ZC3H12B: variants seen among roughly 807,000 people sequenced by gnomAD.
ZC3H12B encodes zinc finger CCCH-type containing 12B.
In ZC3H12B, 7 loss-of-function variants were observed where a neutral mutation model predicts 43.9. The ratio of observed to expected loss-of-function variants is 0.16; its 90% CI spans 0.09 to 0.30. The LOEUF (loss-of-function observed/expected upper bound fraction) is 0.30, where lower values mean the gene tolerates loss of function less well. Among genes scored for constraint, ZC3H12B ranks in the 10% least tolerant of loss-of-function variants. The pLI, the probability that ZC3H12B is intolerant of heterozygous loss-of-function variation, is 1.00. For synonymous variants in ZC3H12B, 222 were observed against 241.7 expected (o/e 0.92, Z 0.76); for missense variants, 475 against 670.2 (o/e 0.71, Z 3.22).
At chrX:65,386,310 G>T (rs1219834115) in intron 2 of ZC3H12B, among the ~76,000 whole-genome samples, 2 of 111,427 alleles carry the variant, frequency 1.8e-5, no homozygotes, top group East Asian at 5.6e-4. Flanking sequence ...ATTAATTATT[G>T]CCTCATTTTC....
At chrX:65,071,654 G>A in the ZC3H12B span, among the ~76,000 whole-genome samples, 6 of 111,628 alleles carry the variant, frequency 5.4e-5, no homozygotes, top group South Asian at 3.8e-4. Context: ...TGGTGGTAAC[G>A]AATTCCCTAA....
In ZC3H12B at chrX:65,374,622, T is replaced by C. The variant is rs143730171; in HGVS notation, n.295+5624T>C. On this transcript the variant is annotated intron_variant and non_coding_transcript_variant, in intron 2 of 5. Transcript: ENST00000617377. Reference sequence around the variant, plus strand: ...CACTCATAGTATTTGGTTTTAACTTTATATCACTGAAATAGGCACTGTATT... The same window carrying C: ...CACTCATAGTATTTGGTTTTAACTTCATATCACTGAAATAGGCACTGTATT... 3.8e-3 allele frequency among the ~76,000 whole-genome samples: 422 copies of C among 110,378 alleles called. 1 individual carries two copies. The highest frequency in any genetic ancestry group is 0.032 in the Middle Eastern group (7 of 216).
At chrX:65,456,653 G>A (rs771260157) in intron 3 of ZC3H12B, among the ~76,000 whole-genome samples, 103 of 106,465 alleles carry the variant, frequency 9.7e-4, no homozygotes, top group Middle Eastern at 4.7e-3. Flanking sequence ...TGTGTTGGCC[G>A]GGCTGGTCTC....
At chrX:65,359,852 T>G in the ZC3H12B span, among the ~76,000 whole-genome samples, 1 of 111,980 alleles carries the variant, frequency 8.9e-6, no homozygotes, top group Admixed American at 9.5e-5. Context: ...GTGGATAAAA[T>G]GTTATCAACC....
the ZC3H12B span, among the ~76,000 whole-genome samples, chrX:65,118,694 A>G: frequency 9.1e-6 from 1 of 109,590 alleles, no homozygotes; most frequent in Admixed American, 9.8e-5. Flanking sequence ...GTACATGTGC[A>G]CAACCTGCAG....
At chrX:65,269,783 A>C in the ZC3H12B span, among the ~76,000 whole-genome samples, 2 of 111,026 alleles carry the variant, frequency 1.8e-5, no homozygotes, top group Non-Finnish European at 3.8e-5. Context: ...TAAAGGAATA[A>C]GCCACCATAC....
Position 65,408,567 on chromosome X carries a change from C to T in ZC3H12B, n.407+9863C>T, listed in dbSNP as rs891567465. The T allele has an allele frequency of 6.1e-5, 72 of 1,182,504 alleles. 1 individual carries two copies. The highest frequency in any genetic ancestry group is 5.6e-5 in the Non-Finnish European group (49 of 875,411). ...GGAATCCCGCCCCTCGGGGGCAGTG[C>T]CGGTCTTCTTGCACTGTCTAGTGCT... On this transcript the variant is annotated intron_variant and non_coding_transcript_variant, in intron 3 of 5. Coordinates refer to the ZC3H12B transcript ENST00000617377.
chrX:65,048,615 A>C, the ZC3H12B span, among the ~76,000 whole-genome samples: 1 of 111,376 alleles, frequency 9.0e-6, no homozygotes, highest in Non-Finnish European at 1.9e-5. Flanking sequence ...TGAGGTATAC[A>C]TATATAATGA....
rs778639741 is a variant in ZC3H12B, at chrX:65,391,430, A to G, written n.296-7163A>G. ...ATTCTTTGATTTTGAGAAAACTAAG[A>G]TATCTCTTTTTGGGCAGATTTTGAT... On this transcript the variant is annotated intron_variant and non_coding_transcript_variant, in intron 2 of 5. Transcript: ENST00000617377. Among the ~76,000 whole-genome samples the G allele has an allele frequency of 2.7e-5, 3 of 111,944 alleles. No individual in the cohort carries two copies. The South Asian group carries it at 1.1e-3, about 42-fold the overall frequency.
At chrX:65,190,049 T>A in the ZC3H12B span, among the ~76,000 whole-genome samples, 1 of 111,810 alleles carries the variant, frequency 8.9e-6, no homozygotes, top group Admixed American at 9.5e-5. Context: ...ATTTATTAAA[T>A]AGGGAATCCT....
intron 3 of ZC3H12B, among the ~76,000 whole-genome samples, chrX:65,453,171 A>G (rs1166801386): frequency 3.7e-5 from 4 of 107,257 alleles, no homozygotes; most frequent in African/African-American, 1.4e-4. Flanking sequence ...GACCAATGGA[A>G]CAGAATAGAG....
the ZC3H12B span, among the ~76,000 whole-genome samples, chrX:65,290,165 G>A: frequency 5.1e-4 from 56 of 110,542 alleles, no homozygotes; most frequent in African/African-American, 1.8e-3. Flanking sequence ...TTTAATGTGG[G>A]CAAAGAACAT....
the ZC3H12B span, among the ~76,000 whole-genome samples, chrX:65,202,496 C>T: frequency 1.8e-5 from 2 of 109,804 alleles, no homozygotes; most frequent in African/African-American, 3.3e-5. Flanking sequence ...AGATTACAGC[C>T]TTGGTGGTCT....
At chrX:65,323,841 C>T in the ZC3H12B span, among the ~76,000 whole-genome samples, 1 of 112,018 alleles carries the variant, frequency 8.9e-6, no homozygotes, top group African/African-American at 3.2e-5. Flanking sequence ...TTCTTCTATT[C>T]CTCTCCAGCA....
chrX:65,198,414 G>C, the ZC3H12B span, among the ~76,000 whole-genome samples: 1 of 111,946 alleles, frequency 8.9e-6, no homozygotes, highest in Admixed American at 9.5e-5. Flanking sequence ...AATATTTCTT[G>C]TAGGATAGGT....
chrX:65,393,554 G>C (rs1463072020), intron 2 of ZC3H12B, among the ~76,000 whole-genome samples: 2 of 111,694 alleles, frequency 1.8e-5, no homozygotes, highest in Non-Finnish European at 3.8e-5. Flanking sequence ...GCAGTGTTTG[G>C]TTTTGTTTCC....
intron 1 of ZC3H12B, among the ~76,000 whole-genome samples, chrX:65,490,915 AC>A (rs1489132547): frequency 1.8e-5 from 2 of 111,319 alleles, no homozygotes; most frequent in African/African-American, 6.5e-5. Flanking sequence ...GGGTGCTCCC[AC>A]AGAGACATGA....
chrX:65,183,467 C>T, the ZC3H12B span, among the ~76,000 whole-genome samples: 2 of 111,177 alleles, frequency 1.8e-5, no homozygotes, highest in Non-Finnish European at 3.8e-5. Context: ...GGGTACTATA[C>T]TCATCATCTG....
At chrX:65,290,755 A>G in the ZC3H12B span, among the ~76,000 whole-genome samples, 5 of 111,522 alleles carry the variant, frequency 4.5e-5, no homozygotes, top group African/African-American at 1.6e-4. Context: ...CCAGGCACAA[A>G]AAGACAAATG....
Sources: gnomAD v4.1 joint callset for allele counts (sites outside exome capture counted in the v4.1 genomes callset) on GRCh38, gnomAD v4.1.1 for gene constraint, MANE v1.5 for transcripts, NCBI Gene and HGNC (gene_info 2026-07-23, HGNC 2026-07-21) for gene names.